Variants in LRP1B observed in about 807,000 individuals in gnomAD.
The protein encoded by LRP1B is LDL receptor related protein 1B.
In LRP1B, 217 loss-of-function variants were observed where a neutral mutation model predicts 556.6. The observed-to-expected ratio is 0.39, with a 90% CI of 0.35 to 0.44. The LOEUF (loss-of-function observed/expected upper bound fraction) is 0.44. Among genes scored for constraint, LRP1B ranks in the 20% least tolerant of loss-of-function variants. LRP1B has a pLI of 1.00. For synonymous variants in LRP1B, 2,047 were observed against 1,865.8 expected (o/e 1.10, Z -2.50); for missense variants, 5,053 against 5,620.8 (o/e 0.90, Z 3.23).
chr2:140,884,460 C>A (rs899741985), intron 24 of LRP1B, among the ~76,000 whole-genome samples: 15 of 152,140 alleles, frequency 9.9e-5, no homozygotes, highest in African/African-American at 3.4e-4. Flanking sequence ...AGCTAAGATG[C>A]ATTCTGGCTA....
At chr2:140,943,542 TA>T (rs1695459913) in intron 20 of LRP1B, among the ~76,000 whole-genome samples, 1 of 152,036 alleles carries the variant, frequency 6.6e-6, no homozygotes, top group Non-Finnish European at 1.5e-5. Flanking sequence ...AATAAATTTT[TA>T]AAAAATCAAA....
intron 41 of LRP1B, among the ~76,000 whole-genome samples, chr2:140,693,240 G>A (rs1429634377): frequency 6.6e-6 from 1 of 152,032 alleles, no homozygotes; most frequent in Non-Finnish European, 1.5e-5. Flanking sequence ...AAATTGCCTT[G>A]GCAATTGGTG....
At chr2:141,441,796 G>T (rs1680985673) in intron 3 of LRP1B, among the ~76,000 whole-genome samples, 1 of 152,160 alleles carries the variant, frequency 6.6e-6, no homozygotes, top group Non-Finnish European at 1.5e-5. Flanking sequence ...AGTCTTGAAA[G>T]ATTTTCAATA....
At chr2:141,617,015 T>C (rs1002315809) in intron 2 of LRP1B, among the ~76,000 whole-genome samples, 3 of 152,196 alleles carry the variant, frequency 2.0e-5, no homozygotes, top group African/African-American at 7.2e-5. Flanking sequence ...TAAACATTAA[T>C]CCATCTGCCA....
chr2:141,331,902 T>C (rs571153881), intron 3 of LRP1B, among the ~76,000 whole-genome samples: 2 of 152,302 alleles, frequency 1.3e-5, no homozygotes, highest in South Asian at 4.1e-4. Flanking sequence ...ATCTGCTACT[T>C]GTAGCTTCCT....
chr2:140,939,885 ATTTTTT>A (rs3063651), intron 20 of LRP1B, among the ~76,000 whole-genome samples: 1 of 132,652 alleles, frequency 7.5e-6, no homozygotes, highest in Non-Finnish European at 1.6e-5. Context: ...ATTTGGTGTA[ATTTTTT>A]TTTTTTTTTT....
At chr2:140,453,294 G>A (rs1686957248) in intron 62 of LRP1B, among the ~76,000 whole-genome samples, 1 of 151,852 alleles carries the variant, frequency 6.6e-6, no homozygotes. Flanking sequence ...AGTTAAGGGA[G>A]GCCAGGGTAA....
At chr2:141,062,780 T>C (rs527522120) in intron 7 of LRP1B, among the ~76,000 whole-genome samples, 1 of 151,976 alleles carries the variant, frequency 6.6e-6, no homozygotes, top group African/African-American at 2.4e-5. Context: ...AAAGCAAATG[T>C]GCTGTTTGTA....
rs567571441 is a variant in LRP1B, at chr2:141,570,841, C to T, written c.206-90308G>A. On this transcript the variant is annotated intron_variant, in intron 2 of 90. Coordinates refer to ENST00000389484, the MANE Select transcript of LRP1B (RefSeq NM_018557.3). ...CCCGGACCCATCCTTCCTCACTGGG[C>T]GGGGCTTCTCTGCAGGAACTCCAAT... Among the ~76,000 whole-genome samples the T allele has an allele frequency of 2.2e-4, 33 of 151,194 alleles. 1 individual carries two copies. The highest frequency in any genetic ancestry group is 6.8e-4 in the African/African-American group (28 of 41,476).
At chr2:141,492,964 C>G (rs1380674354) in intron 2 of LRP1B, among the ~76,000 whole-genome samples, 1 of 152,094 alleles carries the variant, frequency 6.6e-6, no homozygotes, top group Non-Finnish European at 1.5e-5. Context: ...AACAAACTGT[C>G]CTTTATTGCA....
At chr2:140,446,435 A>G (rs1573948323) in intron 63 of LRP1B, among the ~76,000 whole-genome samples, 1 of 152,178 alleles carries the variant, frequency 6.6e-6, no homozygotes, top group Non-Finnish European at 1.5e-5. Context: ...TAAGCTTGCA[A>G]GTATGGGACC....
chr2:141,537,977 GT>G (rs1171464390), intron 2 of LRP1B, among the ~76,000 whole-genome samples: 1 of 152,094 alleles, frequency 6.6e-6, no homozygotes, highest in African/African-American at 2.4e-5. Flanking sequence ...TAGGATAAAA[GT>G]TTTCTCCGAA....
chr2:140,869,894 G>T (rs1244677543), intron 25 of LRP1B, among the ~76,000 whole-genome samples: 1 of 152,078 alleles, frequency 6.6e-6, no homozygotes, highest in Non-Finnish European at 1.5e-5. Context: ...ATATGCCAAA[G>T]TATGGTACTT....
At chr2:140,432,369 C>T (rs1472351721) in intron 66 of LRP1B, among the ~76,000 whole-genome samples, 1 of 152,194 alleles carries the variant, frequency 6.6e-6, no homozygotes, top group East Asian at 1.9e-4. Context: ...TCACACAAAG[C>T]CTGTTTGGTG....
chr2:140,989,772 TAG>T (rs1443173721), intron 16 of LRP1B, 115 bp from the exon 17 acceptor site: 41 of 962,176 alleles, frequency 4.3e-5, no homozygotes, highest in Middle Eastern at 4.7e-4. Flanking sequence ...ATAAATGTCA[TAG>T]AGTCTGTCAT....
chr2:141,034,312 G>A (rs1574002690), intron 11 of LRP1B, among the ~76,000 whole-genome samples: 1 of 152,028 alleles, frequency 6.6e-6, no homozygotes, highest in South Asian at 2.1e-4. Context: ...ATATCTTCAT[G>A]TCTAAAACAC....
chr2:140,949,178 CAT>C (rs747142952), intron 20 of LRP1B, among the ~76,000 whole-genome samples: 1 of 152,144 alleles, frequency 6.6e-6, no homozygotes, highest in Non-Finnish European at 1.5e-5. Flanking sequence ...GAGCAGATGC[CAT>C]ATGTTTTCAT....
Position 140,971,719 on chromosome 2 carries a change from AGCTACTCAGGAG to A in LRP1B, c.2887+10429_2887+10440del, listed in dbSNP as rs933737920. On this transcript the variant is annotated intron_variant, in intron 18 of 90. Transcript: ENST00000389484. ...CATGGTGGCGGGCGCCTGTAGTCCC[AGCTACTCAGGAG>A]GCTGAGGCAGGAGAATGGTGTGAAC... 2.0e-5 allele frequency among the ~76,000 whole-genome samples: 3 copies of A among 152,178 alleles called. 1 individual carries two copies. The highest frequency in any genetic ancestry group is 7.2e-5 in the African/African-American group (3 of 41,454).
intron 3 of LRP1B, among the ~76,000 whole-genome samples, chr2:141,431,113 GCAAGAGAGTGACTCTGT>G (rs1382362411): frequency 3.5e-5 from 5 of 143,266 alleles, no homozygotes; most frequent in Non-Finnish European, 7.8e-5. Context: ...GCTAGCCTGA[GCAAGAGAGTGACTCTGT>G]CTCAAAAAAT....
Sources: gnomAD v4.1 joint callset for allele counts (sites outside exome capture counted in the v4.1 genomes callset) on GRCh38, gnomAD v4.1.1 for gene constraint, MANE v1.5 for transcripts, NCBI Gene and HGNC (gene_info 2026-07-23, HGNC 2026-07-21) for gene names.